Variants in PLCB1 observed in about 807,000 individuals in gnomAD.
PLCB1 encodes phospholipase C beta 1.
PLCB1 carries 46 observed loss-of-function variants against 161.8 expected under a neutral mutation model. The observed-to-expected ratio is 0.28, with a 90% CI of 0.22 to 0.36. PLCB1 has a LOEUF of 0.36. PLCB1 is among the 10% of genes least tolerant of loss of function. The pLI is 1.00. For synonymous variants in PLCB1, 517 were observed against 503.7 expected (o/e 1.03, Z -0.35); for missense variants, 1,016 against 1,472.5 (o/e 0.69, Z 5.07).
chr20:8,331,909 A>G (rs1264530755), intron 2 of PLCB1, among the ~76,000 whole-genome samples: 2 of 152,202 alleles, frequency 1.3e-5, no homozygotes, highest in African/African-American at 2.4e-5. Flanking sequence ...AGCATAGGTA[A>G]GACAATTGGA....
chr20:8,371,573 A>G, intron 3 of PLCB1, 123 bp downstream of exon 3: 1 of 622,930 alleles, frequency 1.6e-6, no homozygotes, highest in Non-Finnish European at 2.8e-6. Context: ...CACAATAGCC[A>G]GTATGCCCTA....
At chr20:8,184,694 A>C (rs2051881807) in intron 2 of PLCB1, among the ~76,000 whole-genome samples, 1 of 151,326 alleles carries the variant, frequency 6.6e-6, no homozygotes, top group African/African-American at 2.4e-5. Flanking sequence ...GATAGTAGAA[A>C]TGTAAATTGT....
At chr20:8,635,490 C>T (rs1489860781) in intron 4 of PLCB1, among the ~76,000 whole-genome samples, 1 of 152,140 alleles carries the variant, frequency 6.6e-6, no homozygotes, top group Admixed American at 6.5e-5. Flanking sequence ...CTCTCTCCAG[C>T]TTGCCAGGAT....
At chr20:8,289,527 A>G (rs1485282227) in intron 2 of PLCB1, among the ~76,000 whole-genome samples, 2 of 152,120 alleles carry the variant, frequency 1.3e-5, no homozygotes, top group Non-Finnish European at 2.9e-5. Context: ...TGAGGCAGAG[A>G]GAGGTTAAGC....
At chr20:8,182,264 C>CACA (rs1315101282) in intron 2 of PLCB1, among the ~76,000 whole-genome samples, 29 of 152,158 alleles carry the variant, frequency 1.9e-4, no homozygotes. Context: ...TACCTCTTTG[C>CACA]AGTTTGACTT....
intron 26 of PLCB1, among the ~76,000 whole-genome samples, chr20:8,766,719 T>C (rs1982335336): frequency 6.6e-6 from 1 of 152,168 alleles, no homozygotes; most frequent in African/African-American, 2.4e-5. Flanking sequence ...AGAGGGACCC[T>C]CAAGCTGTGC....
intron 25 of PLCB1, among the ~76,000 whole-genome samples, chr20:8,764,136 CAGCCTGCGCAACAG>C (rs1227910185): frequency 1.3e-5 from 2 of 152,084 alleles, no homozygotes; most frequent in East Asian, 3.9e-4. Context: ...CACTGCACTC[CAGCCTGCGCAACAG>C]AGCAAGACTC....
intron 2 of PLCB1, among the ~76,000 whole-genome samples, chr20:8,205,371 T>A (rs562719914): frequency 3.9e-5 from 6 of 152,220 alleles, no homozygotes; most frequent in Admixed American, 1.3e-4. Flanking sequence ...AGCTTCTCGA[T>A]CCAGCTACTG....
intron 9 of PLCB1, among the ~76,000 whole-genome samples, chr20:8,675,110 C>T (rs1320099272): frequency 6.6e-6 from 1 of 152,118 alleles, no homozygotes. Flanking sequence ...CAAGTATCAA[C>T]ATATCTGATG....
chr20:8,763,007 A>G (rs932189806), intron 25 of PLCB1, among the ~76,000 whole-genome samples: 1 of 152,236 alleles, frequency 6.6e-6, no homozygotes, highest in Admixed American at 6.5e-5. Flanking sequence ...ATCTAGGTCC[A>G]TATAAATGAT....
chr20:8,576,564 T>G (rs1217129869), intron 3 of PLCB1, among the ~76,000 whole-genome samples: 2 of 152,190 alleles, frequency 1.3e-5, no homozygotes, highest in Non-Finnish European at 2.9e-5. Context: ...TAGTCTCTCT[T>G]TATATATAAC....
chr20:8,500,545 C>G (rs1216324485), intron 3 of PLCB1, among the ~76,000 whole-genome samples: 1 of 152,148 alleles, frequency 6.6e-6, no homozygotes, highest in African/African-American at 2.4e-5. Context: ...CTGTATCAAA[C>G]AACTACATAA....
intron 9 of PLCB1, among the ~76,000 whole-genome samples, chr20:8,662,281 A>T (rs1989682069): frequency 8.1e-6 from 1 of 122,954 alleles, no homozygotes; most frequent in Non-Finnish European, 1.6e-5. Flanking sequence ...TTATTATATA[A>T]TTATGTATAT....
intron 3 of PLCB1, among the ~76,000 whole-genome samples, chr20:8,498,742 A>G (rs1358599464): frequency 1.3e-5 from 2 of 152,200 alleles, no homozygotes; most frequent in Non-Finnish European, 2.9e-5. Flanking sequence ...TGTTTCGGCT[A>G]TTTGAAATTT....
rs117690478 is a variant in PLCB1 at position 8,628,662 on chromosome 20, C to T, written c.384+231C>T. 4,598 of 434,744 alleles carry T rather than the reference C, an allele frequency of 0.011. 38 individuals are homozygous for T. The highest frequency in any genetic ancestry group is 0.015 in the Non-Finnish European group (3,657 of 239,648). 26.9% of individuals were successfully genotyped at this position (434,744 alleles called of 1,614,324 possible). A position where few individuals can be genotyped will look rare whatever the true frequency, so the allele number is the denominator to read the frequency against. ...AAAGAATAAGCCATTTGGCCGGGCA[C>T]GGTGGCTCATGCCTATAATCCCAGC... On this transcript the variant is annotated intron_variant, in intron 4 of 31. Transcript: ENST00000338037.
At chr20:8,614,194 A>AT (rs1247250378) in intron 3 of PLCB1, among the ~76,000 whole-genome samples, 2 of 152,020 alleles carry the variant, frequency 1.3e-5, no homozygotes, top group Admixed American at 1.3e-4. Context: ...ACTATCAAAG[A>AT]TAAAAAAAAA....
In PLCB1 at chr20:8,708,513, C is replaced by T. The variant is rs148545469; in HGVS notation, c.1168-157C>T. Reference sequence around the variant, plus strand: ...CAGAATCAAGAGTCAGAATTAGCACCGTCCAGCAGCCCTCAAAATCCCTTC... The same window carrying T: ...CAGAATCAAGAGTCAGAATTAGCACTGTCCAGCAGCCCTCAAAATCCCTTC... On this transcript the variant is annotated intron_variant, in intron 11 of 31. Transcript: ENST00000338037. 4.0e-3 allele frequency among the ~76,000 whole-genome samples: 603 copies of T among 152,214 alleles called. 11 individuals carry two copies. Among genetic ancestry groups the T allele is most frequent in the African/African-American group, 0.014 (562 of 41,542 alleles).
intron 1 of PLCB1, among the ~76,000 whole-genome samples, chr20:8,143,345 T>C (rs796183143): frequency 6.6e-6 from 1 of 152,192 alleles, no homozygotes; most frequent in Non-Finnish European, 1.5e-5. Flanking sequence ...CCCCAACTGA[T>C]GTTTTTCAGA....
At chr20:8,790,307 CA>C in intron 31 of PLCB1, 46 bp downstream of exon 31, 4 of 1,457,514 alleles carry the variant, frequency 2.7e-6, no homozygotes, top group Non-Finnish European at 3.8e-6. Flanking sequence ...ATTTGATTTC[CA>C]TTTAGTAAGA....
Sources: gnomAD v4.1 joint callset for allele counts (sites outside exome capture counted in the v4.1 genomes callset) on GRCh38, gnomAD v4.1.1 for gene constraint, MANE v1.5 for transcripts, NCBI Gene and HGNC (gene_info 2026-07-23, HGNC 2026-07-21) for gene names.